Variants in MYO1H observed in about 807,000 individuals in gnomAD.
MYO1H encodes myosin IH.
MYO1H carries 118 observed loss-of-function variants against 149.3 expected under a neutral mutation model. That is an observed-to-expected ratio of 0.79 (90% CI 0.68 to 0.92). The LOEUF (loss-of-function observed/expected upper bound fraction) is 0.92, where lower values mean the gene tolerates loss of function less well. MYO1H is among the 40% of genes least tolerant of loss of function. MYO1H has a pLI of 0.00. For synonymous variants in MYO1H, 447 were observed against 465.2 expected, an observed-to-expected ratio of 0.96 and a Z score of 0.50; for missense variants, 1,212 against 1,280.7, an observed-to-expected ratio of 0.95 and a Z score of 0.82.
chr12:109,328,141 C>CATATATATATATATATATATAT, the MYO1H span, among the ~76,000 whole-genome samples: 1 of 142,596 alleles, frequency 7.0e-6, no homozygotes, highest in African/African-American at 2.7e-5. Flanking sequence ...CACACACACG[C>CATATATATATATATATATATAT]ATATATATAT....
the MYO1H span, among the ~76,000 whole-genome samples, chr12:109,326,056 TAGA>T: frequency 0.011 from 1,744 of 152,296 alleles, 36 homozygotes; most frequent in African/African-American, 0.04. Flanking sequence ...AGGCCCTGTC[TAGA>T]AGATATTTTC....
intron 1 of MYO1H, among the ~76,000 whole-genome samples, chr12:109,352,394 G>A (rs1354720593): frequency 6.6e-6 from 1 of 152,024 alleles, no homozygotes; most frequent in African/African-American, 2.4e-5. Flanking sequence ...TTCCCCCAGG[G>A]TCTTTATGTA....
the MYO1H span, among the ~76,000 whole-genome samples, chr12:109,339,513 A>C: frequency 1.3e-5 from 2 of 152,268 alleles, no homozygotes; most frequent in Non-Finnish European, 2.9e-5. Flanking sequence ...GACAAAATTT[A>C]TGTACAAATT....
intron 14 of MYO1H, among the ~76,000 whole-genome samples, chr12:109,414,130 A>G (rs1001990991): frequency 6.6e-6 from 1 of 152,146 alleles, no homozygotes; most frequent in African/African-American, 2.4e-5. Context: ...CGCTTAGAAT[A>G]TATGTGTGCT....
At chr12:109,371,844 T>C (rs936161329) in intron 1 of MYO1H, among the ~76,000 whole-genome samples, 32 of 152,188 alleles carry the variant, frequency 2.1e-4, no homozygotes, top group African/African-American at 6.8e-4. Context: ...AACTTAGCTA[T>C]CAGAGTGCCA....
intron 31 of MYO1H, chr12:109,445,970 G>T (rs1872463244): frequency 1.0e-6 from 1 of 985,428 alleles, no homozygotes; most frequent in Non-Finnish European, 1.2e-6. Flanking sequence ...CAATGCGCTT[G>T]TGTCCCACCC....
upstream of MYO1H, chr12:109,347,902 C>G: frequency 2.5e-6 from 1 of 398,990 alleles, no homozygotes; most frequent in Non-Finnish European, 4.4e-6. Flanking sequence ...CAGTGGGAAG[C>G]AACTTTTGAA....
chr12:109,409,616 C>T, exon 11 of MYO1H: 4 of 1,612,526 alleles, frequency 2.5e-6, no homozygotes, highest in Non-Finnish European at 3.4e-6. Flanking sequence ...AAGTCTTTGA[C>T]AAGAATGGGT....
At chr12:109,405,152 G>A (rs571183151) in intron 7 of MYO1H, among the ~76,000 whole-genome samples, 2 of 152,090 alleles carry the variant, frequency 1.3e-5, no homozygotes, top group Admixed American at 6.6e-5. Flanking sequence ...GGTTGAGGCT[G>A]TAGTGAGCTA....
At chr12:109,352,773 C>G (rs1868491908) in intron 1 of MYO1H, among the ~76,000 whole-genome samples, 1 of 152,158 alleles carries the variant, frequency 6.6e-6, no homozygotes. Flanking sequence ...AAGTTGCAGA[C>G]ATCAGCATAC....
At chr12:109,416,614 A>G (rs952748053) in intron 15 of MYO1H, among the ~76,000 whole-genome samples, 38 of 152,266 alleles carry the variant, frequency 2.5e-4, no homozygotes, top group African/African-American at 8.4e-4. Context: ...GCTACCATGA[A>G]TATGTCGGTA....
chr12:109,379,951 TCG>T (rs1869168307), intron 1 of MYO1H, among the ~76,000 whole-genome samples: 1 of 152,090 alleles, frequency 6.6e-6, no homozygotes, highest in Admixed American at 6.6e-5. Flanking sequence ...CAGCATGGTG[TCG>T]ATGTCTTAAC....
At chr12:109,369,816 C>T (rs1868944734) in intron 1 of MYO1H, among the ~76,000 whole-genome samples, 1 of 152,182 alleles carries the variant, frequency 6.6e-6, no homozygotes, top group South Asian at 2.1e-4. Flanking sequence ...AGTCCATTTT[C>T]ATGCTGCTGA....
At chr12:109,337,828 A>G in the MYO1H span, among the ~76,000 whole-genome samples, 1 of 152,170 alleles carries the variant, frequency 6.6e-6, no homozygotes, top group Non-Finnish European at 1.5e-5. Flanking sequence ...TTTTAATCTG[A>G]GGGTAGTACA....
chr12:109,399,242 A>C (rs1299930343), intron 5 of MYO1H, among the ~76,000 whole-genome samples: 1 of 152,184 alleles, frequency 6.6e-6, no homozygotes, highest in African/African-American at 2.4e-5. Context: ...TAGCCCAGTG[A>C]ATTTCTACGT....
At chr12:109,392,166 G>A (rs1467147467) in intron 2 of MYO1H, among the ~76,000 whole-genome samples, 1 of 152,158 alleles carries the variant, frequency 6.6e-6, no homozygotes, top group Non-Finnish European at 1.5e-5. Context: ...GGGGAGTGTG[G>A]TATCTCTGCC....
At position 109,393,174 on chromosome 12, in the gene MYO1H, G is replaced by T. The variant is rs114813305; in HGVS notation, c.175-157G>T. 0.019 allele frequency among the ~76,000 whole-genome samples: 2,954 copies of T among 152,072 alleles called. 103 individuals are homozygous for T. The highest frequency in any genetic ancestry group is 0.068 in the African/African-American group (2,802 of 41,464). On this transcript the variant is annotated intron_variant, in intron 2 of 31. Coordinates refer to ENST00000310903, the Ensembl canonical transcript of MYO1H. ...TTCATTCCTCAGCTGTTTGTCTGCT[G>T]TCTCCCTCATACACCTGCCATGTAA...
At chr12:109,361,450 A>G (rs1868746319) in intron 1 of MYO1H, among the ~76,000 whole-genome samples, 1 of 152,200 alleles carries the variant, frequency 6.6e-6, no homozygotes, top group Admixed American at 6.5e-5. Context: ...TCACAAAGTG[A>G]AAGCATCTAG....
intron 25 of MYO1H, 77 bp downstream of exon 25, chr12:109,440,904 C>A: frequency 1.9e-6 from 2 of 1,056,230 alleles, no homozygotes; most frequent in Non-Finnish European, 2.9e-6. Flanking sequence ...TCCTCCTCAT[C>A]CACCATTTCA....
Sources: gnomAD v4.1 joint callset for allele counts (sites outside exome capture counted in the v4.1 genomes callset) on GRCh38, gnomAD v4.1.1 for gene constraint, MANE v1.5 for transcripts, NCBI Gene and HGNC (gene_info 2026-07-23, HGNC 2026-07-21) for gene names.